Variants in ZNF703 observed in about 807,000 individuals in gnomAD.
The protein encoded by ZNF703 is zinc finger protein 703.
Under a neutral mutation model 30.7 loss-of-function variants are expected in ZNF703, and 18 were observed. The observed-to-expected ratio is 0.59, with a 90% confidence interval of 0.40 to 0.87. ZNF703 has a LOEUF of 0.87. Ranked by LOEUF, ZNF703 falls within the 40% of genes least tolerant of loss-of-function variation. The pLI, the probability that ZNF703 is intolerant of heterozygous loss-of-function variation, is 0.00. For missense variants in ZNF703, 814 were observed against 847.8 expected (o/e 0.96, Z 0.50); for synonymous variants, 457 against 438.6 (o/e 1.04, Z -0.52).
In ZNF703 at chr8:37,698,475, C is replaced by T. The variant is rs1199019305; in HGVS notation, c.1574C>T (p.Ala525Val). 3.3e-6 allele frequency: 5 copies of T among 1,517,136 alleles called. No homozygotes were observed. Among genetic ancestry groups the T allele is most frequent in the Non-Finnish European group, 4.4e-6 (5 of 1,136,096 alleles). 94.0% of individuals were successfully genotyped at this position (1,517,136 alleles called of 1,614,324 possible). The part of the protein sequence containing the change: ...SCHLHLPPPA[A>V]PGSPGSLSLR... ...CATCTGCACCTCCCCCCGCCCGCCG[C>T]CCCCGGCAGCCCCGGGTCGCTGTCC... is the stretch of plus-strand genomic sequence containing the variant. The change falls in exon 2 of 2, where the codon GCC becomes GTC. Residue 525 changes from alanine to valine, a missense_variant. Transcript: ENST00000331569.
chr8:37,697,111 T>A (rs761810342), intron 1 of ZNF703, 34 bp from the exon 2 acceptor site: 1 of 1,492,256 alleles, frequency 6.7e-7, no homozygotes, highest in Admixed American at 2.4e-5. Flanking sequence ...TGAGTCTCAC[T>A]CCTTCTCCCT....
In ZNF703 at chr8:37,697,261, G is replaced by A. The variant is rs1373900174; in HGVS notation, c.360G>A (p.Leu120=). The stretch of plus-strand genomic sequence containing the variant: ...CGGTGGCGGCGGCGGCCAACGGGCT[G>A]GGAGCGGAGAAGGACCCCGGCCGCT... ...LNSVAAAANG[L]GAEKDPGRSA... Residue 120 remains leucine, a synonymous_variant, in exon 2 of 2, where the codon CTG becomes CTA. Transcript: ENST00000331569. 6.3e-7 allele frequency: 1 copy of A among 1,581,438 alleles called. No homozygotes were observed. The highest frequency in any genetic ancestry group is 1.4e-5 in the African/African-American group (1 of 72,530).
chr8:37,697,732 C>G lies in ZNF703; in HGVS notation c.831C>G (p.Ser277=), dbSNP rs762448432. The G allele has an allele frequency of 4.3e-6, 6 of 1,390,948 alleles. No individual in the cohort carries two copies. The South Asian group carries it at 8.0e-5, about 18-fold the overall frequency. The allele number at this position is 1,390,948 out of a possible 1,614,324, so 86.2% of individuals were successfully genotyped here. ...GAHGGAESGA[S]GRKSEPPSAL... ...ACGGTGGCGCCGAGTCCGGGGCCTCCGGGCGCAAGTCCGAGCCGCCCTCGG... is the reference window on the plus strand; with the variant it reads ...ACGGTGGCGCCGAGTCCGGGGCCTCGGGGCGCAAGTCCGAGCCGCCCTCGG... The change falls in exon 2 of 2, where the codon TCC becomes TCG. Residue 277 remains serine, a synonymous_variant. Coordinates refer to ENST00000331569, the MANE Select transcript of ZNF703 (RefSeq NM_025069.3).
Position 37,698,402 on chromosome 8 carries a change from T to C in ZNF703, c.1501T>C (p.Ser501Pro). The C allele has an allele frequency of 6.6e-7, 1 of 1,518,618 alleles. No individual in the cohort carries two copies. Among genetic ancestry groups the C allele is most frequent in the Non-Finnish European group, 8.8e-7 (1 of 1,134,198 alleles). 94.1% of individuals were successfully genotyped at this position (1,518,618 alleles called of 1,614,324 possible). A position where few individuals can be genotyped will look rare whatever the true frequency, so the allele number is the denominator to read the frequency against. ...ACTTCTGGCCGCCTACCCCGGGGCCTCGGGCCTGGGCAGCGCCGCCGCCGC... is the reference window on the plus strand; with the variant it reads ...ACTTCTGGCCGCCTACCCCGGGGCCCCGGGCCTGGGCAGCGCCGCCGCCGC... Reference protein sequence around the residue: ...EKLLAAYPGASGLGSAAAAAA... With the variant: ...EKLLAAYPGAPGLGSAAAAAA... The change falls in exon 2 of 2, where the codon TCG becomes CCG. Residue 501 changes from serine to proline, a missense_variant. By Grantham distance (74) the Ser-to-Pro change is moderately conservative. Coordinates refer to ENST00000331569, the MANE Select transcript of ZNF703 (RefSeq NM_025069.3).
rs961708256 is a variant in ZNF703 at position 37,695,856 on chromosome 8, C to A, written c.-124C>A. The A allele has an allele frequency of 2.2e-6, 2 of 916,246 alleles. No homozygotes were observed. Among genetic ancestry groups the A allele is most frequent in the African/African-American group, 1.8e-5 (1 of 56,202 alleles). 56.8% of individuals were successfully genotyped at this position (916,246 alleles called of 1,614,324 possible). ...GGCGTCGGTGGAGGAGGGGAGGCGG[C>A]GAGGAGGCGCAGCTCCCGCTGCACC... On this transcript the variant is annotated 5_prime_UTR_variant, in exon 1 of 2. Coordinates refer to ENST00000331569, the MANE Select transcript of ZNF703 (RefSeq NM_025069.3).
rs1391555269 is a variant in ZNF703, at chr8:37,696,832, T to A, written c.244-313T>A. The stretch of plus-strand genomic sequence containing the variant: ...CCCCCAAACTAAAGGAATAAGTTTT[T>A]TCCTGGGCCTGGAGGAGGGGGACAT... On this transcript the variant is annotated intron_variant, in intron 1 of 1. Coordinates refer to ENST00000331569, the MANE Select transcript of ZNF703 (RefSeq NM_025069.3). This position sits in a 1 kb window ranked among gnomAD's most constrained non-coding sequence, Gnocchi z 8.2. 6.6e-6 allele frequency among the ~76,000 whole-genome samples: 1 copy of A among 152,196 alleles called. No individual in the cohort carries two copies. Among genetic ancestry groups the A allele is most frequent in the Admixed American group, 6.5e-5 (1 of 15,284 alleles).
At position 37,696,236 on chromosome 8, in the gene ZNF703, C is replaced by A. The variant is rs1205319893; in HGVS notation, c.243+14C>A. Reference sequence around the variant, plus strand: ...AGCCCCATTGAGGTCAGTCCCCGGCCGCTGCCCCCGGGCGCCGGCCCCATT... The same window carrying A: ...AGCCCCATTGAGGTCAGTCCCCGGCAGCTGCCCCCGGGCGCCGGCCCCATT... On this transcript the variant is annotated intron_variant, in intron 1 of 1. Transcript: ENST00000331569. The surrounding 1 kb of genome is among the most constrained non-coding windows in gnomAD (Gnocchi z 8.2). The A allele has an allele frequency of 6.4e-7, 1 of 1,573,704 alleles. No homozygotes were observed. Among genetic ancestry groups the A allele is most frequent in the African/African-American group, 1.4e-5 (1 of 72,974 alleles).
chr8:37,698,653 C>G lies in ZNF703; in HGVS notation c.1752C>G (p.Ala584=). The change falls in exon 2 of 2, where the codon GCC becomes GCG. Residue 584 remains alanine, a synonymous_variant. Transcript: ENST00000331569. The part of the protein sequence containing the change: ...YALYGQRLAS[A]SALGYQ ...TGTATGGACAGAGACTAGCTTCAGC[C>G]TCGGCGCTGGGATACCAGTAACTAC... The G allele has an allele frequency of 2.7e-6, 4 of 1,477,720 alleles. No homozygotes were observed. Among genetic ancestry groups the G allele is most frequent in the Non-Finnish European group, 3.6e-6 (4 of 1,112,232 alleles). 91.5% of individuals were successfully genotyped at this position (1,477,720 alleles called of 1,614,324 possible).
Position 37,697,702 on chromosome 8 carries a change from G to A in ZNF703, c.801G>A (p.Gly267=). Residue 267 remains glycine (G), a synonymous_variant, in exon 2 of 2, where the codon GGG becomes GGA. Transcript: ENST00000331569. ...GCCGCGGCGGCGGTGGGGAGCCCGG[G>A]GCGCACGGTGGCGCCGAGTCCGGGG... ...AVSRGGGGEP[G]AHGGAESGAS... is the part of the protein sequence containing the mutation. 1.5e-6 allele frequency: 2 copies of A among 1,341,604 alleles called. No individual in the cohort carries two copies. Among genetic ancestry groups the A allele is most frequent in the South Asian group, 2.0e-5 (1 of 50,438 alleles). The allele number at this position is 1,341,604 out of a possible 1,614,324, so 83.1% of individuals were successfully genotyped here. A position where few individuals can be genotyped will look rare whatever the true frequency, so the allele number is the denominator to read the frequency against.
At chr8:37,697,072 CG>C in intron 1 of ZNF703, 72 bp from the exon 2 acceptor site, 1 of 1,408,150 alleles carries the variant, frequency 7.1e-7, no homozygotes. Flanking sequence ...CCCAGCTCCC[CG>C]GGCGCCCCCG....
At position 37,698,741 on chromosome 8, in the gene ZNF703, G is replaced by T; in HGVS notation, c.*67G>T. 7.8e-7 allele frequency: 1 copy of T among 1,290,126 alleles called. No homozygotes were observed. 79.9% of individuals were successfully genotyped at this position (1,290,126 alleles called of 1,614,324 possible). A position where few individuals can be genotyped will look rare whatever the true frequency, so the allele number is the denominator to read the frequency against. ...TCTCCCTCCTCCTCCCTCCCCACCT[G>T]CCGTCGCCGCTGCAACCTCCACTAC... On this transcript the variant is annotated 3_prime_UTR_variant, in exon 2 of 2. Coordinates refer to ENST00000331569, the MANE Select transcript of ZNF703 (RefSeq NM_025069.3).
In ZNF703 at chr8:37,697,207, G is replaced by C; in HGVS notation, c.306G>C (p.Pro102=). The C allele has an allele frequency of 2.5e-6, 4 of 1,595,578 alleles. No homozygotes were observed. The highest frequency in any genetic ancestry group is 1.7e-4 in the Middle Eastern group (1 of 5,968). ...LAQTCSQIGK[P]DPPPSSKLNS... Reference sequence around the variant, plus strand: ...AGACCTGCTCGCAGATCGGCAAGCCGGACCCGCCGCCCTCCTCCAAACTCA... The same window carrying C: ...AGACCTGCTCGCAGATCGGCAAGCCCGACCCGCCGCCCTCCTCCAAACTCA... The change falls in exon 2 of 2, where the codon CCG becomes CCC. Residue 102 remains proline (P), a synonymous_variant. Transcript: ENST00000331569.
Position 37,699,728 on chromosome 8 carries a change from C to T in ZNF703, c.*1054C>T, listed in dbSNP as rs142705003. 2 of 152,488 alleles carry T rather than the reference C, an allele frequency of 1.3e-5. No individual in the cohort carries two copies. The highest frequency in any genetic ancestry group is 6.5e-5 in the Admixed American group (1 of 15,306). The allele number at this position is 152,488 out of a possible 1,614,324, so 9.4% of individuals were successfully genotyped here. A position where few individuals can be genotyped will look rare whatever the true frequency, so the allele number is the denominator to read the frequency against. On this transcript the variant is annotated 3_prime_UTR_variant, in exon 2 of 2. Transcript: ENST00000331569. Reference sequence around the variant, plus strand: ...GGGGTAGGTGACTCTCGCTAGATCCCTCCAAAGCAGACCGGTGGCGATGTC... The same window carrying T: ...GGGGTAGGTGACTCTCGCTAGATCCTTCCAAAGCAGACCGGTGGCGATGTC...
intron 1 of ZNF703, 101 bp from the exon 2 acceptor site, chr8:37,697,044 C>G: frequency 7.5e-7 from 1 of 1,333,772 alleles, no homozygotes; most frequent in Non-Finnish European, 9.6e-7. Context: ...AGGCCCGCCC[C>G]GCCCCGTGGC....
rs1802092193 is a variant in ZNF703, at chr8:37,697,524, C to T, written c.623C>T (p.Pro208Leu). Residue 208 changes from proline (P) to leucine (L), a missense_variant, in exon 2 of 2, where the codon CCG (proline) becomes CTG (leucine). Pro to Leu is a moderately conservative substitution (Grantham distance 98). Coordinates refer to ENST00000331569, the MANE Select transcript of ZNF703 (RefSeq NM_025069.3). ...ACPPFPPHGA[P>L]VSASSSSSSP... ...CCGCCCTTTCCCCCGCATGGAGCGC[C>T]GGTCTCCGCATCCTCGTCCTCGTCG... The T allele has an allele frequency of 2.0e-6, 3 of 1,514,460 alleles. No individual in the cohort carries two copies. The highest frequency in any genetic ancestry group is 1.2e-5 in the South Asian group (1 of 80,506). 93.8% of individuals were successfully genotyped at this position (1,514,460 alleles called of 1,614,324 possible).
At position 37,696,206 on chromosome 8, in the gene ZNF703, C is replaced by A; in HGVS notation, c.227C>A (p.Pro76His). 1 of 1,609,880 alleles carries A rather than the reference C, an allele frequency of 6.2e-7. No homozygotes were observed. The highest frequency in any genetic ancestry group is 1.3e-5 in the African/African-American group (1 of 74,824). Reference protein sequence around the residue: ...PEYLQPLSSTPVSPIELDAKK... With the variant: ...PEYLQPLSSTHVSPIELDAKK... ...TACCTGCAGCCGCTGTCCTCCACTC[C>A]CGTCAGCCCCATTGAGGTCAGTCCC... The change falls in exon 1 of 2, where the codon CCC becomes CAC. Residue 76 changes from proline to histidine, a missense_variant. Coordinates refer to ENST00000331569, the MANE Select transcript of ZNF703 (RefSeq NM_025069.3). The surrounding 1 kb of genome is among the most constrained non-coding windows in gnomAD (Gnocchi z 8.2).
rs752905149 is a variant in ZNF703, at chr8:37,696,259, A to AT, written c.243+39dup. On this transcript the variant is annotated intron_variant, in intron 1 of 1. Coordinates refer to ENST00000331569, the MANE Select transcript of ZNF703 (RefSeq NM_025069.3). The surrounding 1 kb of genome is among the most constrained non-coding windows in gnomAD (Gnocchi z 8.2). ...GCCGCTGCCCCCGGGCGCCGGCCCCATTCCTCCCACCGCGACCGGGACCCT... is the reference window on the plus strand; with the variant it reads ...GCCGCTGCCCCCGGGCGCCGGCCCCATTTCCTCCCACCGCGACCGGGACCCT... 4 of 1,541,234 alleles carry AT rather than the reference A, an allele frequency of 2.6e-6. No homozygotes were observed. The highest frequency in any genetic ancestry group is 3.5e-6 in the Non-Finnish European group (4 of 1,141,508).
chr8:37,697,851 G>A lies in ZNF703; in HGVS notation c.950G>A (p.Gly317Asp), dbSNP rs1802098783. ...PLPPSSIGYH[G>D]SIVGAYAGYP... is the part of the protein sequence containing the mutation. ...CCGCCCTCCAGCATTGGCTACCACG[G>A]CTCCATCGTGGGCGCCTACGCCGGC... The change falls in exon 2 of 2, where the codon GGC becomes GAC. Residue 317 changes from glycine to aspartate, a missense_variant. Coordinates refer to ENST00000331569, the MANE Select transcript of ZNF703 (RefSeq NM_025069.3). The A allele has an allele frequency of 6.5e-7, 1 of 1,542,196 alleles. No homozygotes were observed. The highest frequency in any genetic ancestry group is 8.7e-7 in the Non-Finnish European group (1 of 1,150,006).
In ZNF703 at chr8:37,698,451, A is replaced by T; in HGVS notation, c.1550A>T (p.His517Leu). The change falls in exon 2 of 2, where the codon CAT (histidine) becomes CTT (leucine). Residue 517 changes from histidine (H) to leucine (L), a missense_variant. Physicochemically the swap from His to Leu is moderately conservative, Grantham distance 99. Transcript: ENST00000331569. ...AAAAAAAASC[H>L]LHLPPPAAPG... ...GCCGCCGCCGCCGCCGCCTCCTGCC[A>T]TCTGCACCTCCCCCCGCCCGCCGCC... is the stretch of plus-strand genomic sequence containing the variant. 1 of 1,491,804 alleles carries T rather than the reference A, an allele frequency of 6.7e-7. No homozygotes were observed. Among genetic ancestry groups the T allele is most frequent in the Non-Finnish European group, 8.9e-7 (1 of 1,122,516 alleles). The allele number at this position is 1,491,804 out of a possible 1,614,324, so 92.4% of individuals were successfully genotyped here. A position where few individuals can be genotyped will look rare whatever the true frequency, so the allele number is the denominator to read the frequency against.
Sources: allele counts gnomAD v4.1 joint callset (sites outside exome capture counted in the v4.1 genomes callset), GRCh38; gene constraint gnomAD v4.1.1; non-coding constraint Gnocchi (gnomAD v3.1); transcripts MANE v1.5; gene names NCBI Gene and HGNC (gene_info 2026-07-23, HGNC 2026-07-21).